The following EPB41L4B variants were observed in gnomAD, a reference collection of about 807,000 sequenced individuals.
EPB41L4B encodes erythrocyte membrane protein band 4.1 like 4B.
A neutral mutation model predicts 112.5 loss-of-function variants in EPB41L4B; 30 were observed. The ratio of observed to expected loss-of-function variants is 0.27; its 90% CI spans 0.20 to 0.36. The LOEUF is 0.36. Ranked by LOEUF, EPB41L4B falls within the 10% of genes least tolerant of loss-of-function variation. The pLI, the probability that EPB41L4B is intolerant of heterozygous loss-of-function variation, is 1.00. For missense variants in EPB41L4B, 1,024 were observed against 1,133.3 expected, an observed-to-expected ratio of 0.90 and a Z score of 1.38; for synonymous variants, 408 against 439.7, an observed-to-expected ratio of 0.93 and a Z score of 0.90.
intron 2 of EPB41L4B, among the ~76,000 whole-genome samples, chr9:109,279,583 C>T (rs1002752912): frequency 1.3e-5 from 2 of 152,190 alleles, no homozygotes; most frequent in East Asian, 3.8e-4. Flanking sequence ...TAATGCATCC[C>T]TAATGAATCC....
At chr9:109,200,815 G>A (rs972451832) in intron 19 of EPB41L4B, among the ~76,000 whole-genome samples, 3 of 151,980 alleles carry the variant, frequency 2.0e-5, no homozygotes, top group Admixed American at 6.6e-5. Flanking sequence ...TACTTTGTGT[G>A]AAAAATGCAT....
chr9:109,281,945 C>A (rs992216222), intron 1 of EPB41L4B, among the ~76,000 whole-genome samples: 2 of 152,110 alleles, frequency 1.3e-5, no homozygotes, highest in South Asian at 4.1e-4. Flanking sequence ...TACACAAATG[C>A]TCATAGCAGT....
chr9:109,259,877 G>C (rs1234780255), intron 6 of EPB41L4B, among the ~76,000 whole-genome samples: 1 of 152,076 alleles, frequency 6.6e-6, no homozygotes, highest in Non-Finnish European at 1.5e-5. Flanking sequence ...AAGCACAGGA[G>C]GAAACACAAC....
intron 6 of EPB41L4B, among the ~76,000 whole-genome samples, chr9:109,261,946 T>A (rs1311800332): frequency 6.6e-6 from 1 of 152,214 alleles, no homozygotes; most frequent in Non-Finnish European, 1.5e-5. Context: ...TAGAAGCTGA[T>A]GAACATGCTG....
intron 20 of EPB41L4B, among the ~76,000 whole-genome samples, chr9:109,196,645 T>A (rs1226539673): frequency 1.4e-5 from 2 of 144,474 alleles, no homozygotes; most frequent in African/African-American, 5.2e-5. Flanking sequence ...CTGAGCTGAA[T>A]CACCTGAGGC....
intron 15 of EPB41L4B, among the ~76,000 whole-genome samples, chr9:109,226,679 ATG>A (rs1833778858): frequency 1.4e-5 from 1 of 71,148 alleles, no homozygotes; most frequent in African/African-American, 5.3e-5. Context: ...ATATATATAT[ATG>A]AAGAATATAT....
intron 19 of EPB41L4B, among the ~76,000 whole-genome samples, chr9:109,201,308 G>T (rs1387441745): frequency 2.0e-5 from 3 of 152,012 alleles, no homozygotes; most frequent in Non-Finnish European, 4.4e-5. Flanking sequence ...AAATTAGCCA[G>T]GTATGGTGGC....
At chr9:109,269,588 T>C (rs886219975) in intron 2 of EPB41L4B, among the ~76,000 whole-genome samples, 2 of 152,234 alleles carry the variant, frequency 1.3e-5, no homozygotes, top group Non-Finnish European at 2.9e-5. Flanking sequence ...AGCAGGCCCC[T>C]GTTAAGACTC....
In EPB41L4B at chr9:109,291,907, G is replaced by T. The variant is rs575295636; in HGVS notation, c.307-11986C>A. Among the ~76,000 whole-genome samples the T allele has an allele frequency of 2.0e-5, 3 of 152,298 alleles. No individual in the cohort carries two copies. The South Asian group carries it at 6.2e-4, about 32-fold the overall frequency. On this transcript the variant is annotated intron_variant, in intron 1 of 25. Coordinates refer to ENST00000374566, the MANE Select transcript of EPB41L4B (RefSeq NM_019114.5). ...GATCAATTTAAAACACTGAGACTTTGTGTTGCATTACTGATCAGCTATTGA... is the reference window on the plus strand; with the variant it reads ...GATCAATTTAAAACACTGAGACTTTTTGTTGCATTACTGATCAGCTATTGA...
rs1349261504 is a variant in EPB41L4B at position 109,261,025 on chromosome 9, G to C, written c.631+2025C>G. Among the ~76,000 whole-genome samples the C allele has an allele frequency of 4.6e-5, 7 of 152,178 alleles. No individual in the cohort carries two copies. In the East Asian group the frequency reaches 1.3e-3, roughly 29 times the overall value. Reference sequence around the variant, plus strand: ...TCTTTTGTCTCATTCGTGACACCCTGACATCTACTGCTGGGCTGTCAAGCC... The same window carrying C: ...TCTTTTGTCTCATTCGTGACACCCTCACATCTACTGCTGGGCTGTCAAGCC... On this transcript the variant is annotated intron_variant, in intron 6 of 25. Coordinates refer to ENST00000374566, the MANE Select transcript of EPB41L4B (RefSeq NM_019114.5).
rs141496233 is a variant in EPB41L4B, at chr9:109,311,014, G to T, written c.306+9127C>A. On this transcript the variant is annotated intron_variant, in intron 1 of 25. Transcript: ENST00000374566. ...AAATTCATAGACAAAAAAGTAGAAT[G>T]GTGGTTGCCCGGGGTTTGGGGGGAG... Among the ~76,000 whole-genome samples, 1,351 of 152,218 alleles carry T rather than the reference G, an allele frequency of 8.9e-3. 21 individuals carry two copies. The highest frequency in any genetic ancestry group is 0.03 in the African/African-American group (1,261 of 41,522).
At chr9:109,294,490 G>A (rs2119192850) in intron 1 of EPB41L4B, among the ~76,000 whole-genome samples, 2 of 151,742 alleles carry the variant, frequency 1.3e-5, no homozygotes, top group South Asian at 4.2e-4. Context: ...TCCACATGCC[G>A]GTAGTCTCAG....
chr9:109,228,142 T>C (rs1342192440), intron 15 of EPB41L4B, among the ~76,000 whole-genome samples: 3 of 152,238 alleles, frequency 2.0e-5, no homozygotes, highest in Non-Finnish European at 4.4e-5. Flanking sequence ...ATACATTATC[T>C]AGTGTTTCAC....
At chr9:109,206,245 G>C (rs551261096) in intron 18 of EPB41L4B, among the ~76,000 whole-genome samples, 1 of 152,248 alleles carries the variant, frequency 6.6e-6, no homozygotes, top group East Asian at 1.9e-4. Flanking sequence ...GTGCAGTGGA[G>C]CAATCTCTGC....
At chr9:109,231,419 A>G (rs1348719039) in intron 15 of EPB41L4B, among the ~76,000 whole-genome samples, 3 of 152,346 alleles carry the variant, frequency 2.0e-5, no homozygotes, top group Non-Finnish European at 1.5e-5. Flanking sequence ...AACATAGCAG[A>G]ACTTTATTCA....
chr9:109,186,874 G>A (rs1428727430), intron 22 of EPB41L4B, among the ~76,000 whole-genome samples: 2 of 152,184 alleles, frequency 1.3e-5, no homozygotes, highest in Non-Finnish European at 2.9e-5. Flanking sequence ...AGATGCATGG[G>A]CCCAGCCGTG....
intron 15 of EPB41L4B, among the ~76,000 whole-genome samples, chr9:109,243,212 C>CAAAAAAAAAAA (rs58092749): frequency 1.9e-5 from 1 of 52,282 alleles, no homozygotes; most frequent in African/African-American, 8.7e-5. Context: ...CCCACCCCCG[C>CAAAAAAAAAAA]AAAAAAAAAA....
intron 15 of EPB41L4B, among the ~76,000 whole-genome samples, chr9:109,232,070 C>A (rs532699304): frequency 6.6e-6 from 1 of 152,128 alleles, no homozygotes; most frequent in East Asian, 1.9e-4. Flanking sequence ...CCGCTCACTG[C>A]AACCTCTGCC....
rs533313017 is a variant in EPB41L4B at position 109,189,328 on chromosome 9, TA to T, written c.2301+2949del. 1.2e-4 allele frequency among the ~76,000 whole-genome samples: 19 copies of T among 152,306 alleles called. No individual in the cohort carries two copies. The South Asian group carries it at 3.5e-3, about 28-fold the overall frequency. ...TTGGGAAAAGGAGGGGGAAGAAACC[TA>T]CAAAAGCGAAGTTGGAAAGAGTGTT... On this transcript the variant is annotated intron_variant, in intron 22 of 25. Transcript: ENST00000374566.
Sources: gnomAD v4.1 joint callset for allele counts (sites outside exome capture counted in the v4.1 genomes callset) on GRCh38, gnomAD v4.1.1 for gene constraint, MANE v1.5 for transcripts, NCBI Gene and HGNC (gene_info 2026-07-23, HGNC 2026-07-21) for gene names.